The following VAV3 variants were observed in gnomAD, a reference collection of about 807,000 sequenced individuals.
VAV3 encodes guanine nucleotide exchange factor VAV3.
Under a neutral mutation model 131.2 loss-of-function variants are expected in VAV3, and 94 were observed. That is an observed-to-expected ratio of 0.72 (90% confidence interval 0.61 to 0.85). The LOEUF (loss-of-function observed/expected upper bound fraction) is 0.85. Ranked by LOEUF, VAV3 falls within the 40% of genes least tolerant of loss-of-function variation. The probability of loss-of-function intolerance (pLI) is 0.00; values close to 1 mark genes in which losing one functional copy is unlikely to be tolerated. For synonymous variants in VAV3, 349 were observed against 342.0 expected (o/e 1.02, Z -0.22); for missense variants, 939 against 1,002.7 (o/e 0.94, Z 0.86).
chr1:107,871,847 AAG>A (rs1356438294), intron 2 of VAV3, among the ~76,000 whole-genome samples: 1 of 152,168 alleles, frequency 6.6e-6, no homozygotes, highest in Non-Finnish European at 1.5e-5. Context: ...GAAAAGGGGT[AAG>A]AGAGTATAGC....
chr1:107,816,872 T>G (rs1383467425), intron 2 of VAV3, among the ~76,000 whole-genome samples: 1 of 152,150 alleles, frequency 6.6e-6, no homozygotes, highest in African/African-American at 2.4e-5. Context: ...CAGAACACCA[T>G]TTCATCATTT....
rs548601359 is a variant in VAV3, at chr1:107,683,720, C to T, written c.1732-187G>A. 4.6e-5 allele frequency among the ~76,000 whole-genome samples: 7 copies of T among 152,236 alleles called. No individual in the cohort carries two copies. The South Asian group carries it at 6.2e-4, about 14-fold the overall frequency. The stretch of plus-strand genomic sequence containing the variant: ...ATTTGTTTTTCTAGTAAGTCTTCCA[C>T]GTGTATATCATTACACTTGATAAGT... On this transcript the variant is annotated intron_variant, in intron 18 of 26. Coordinates refer to ENST00000370056, the MANE Select transcript of VAV3 (RefSeq NM_006113.5).
intron 19 of VAV3, among the ~76,000 whole-genome samples, chr1:107,650,302 C>T (rs1442071256): frequency 1.3e-5 from 2 of 152,024 alleles, no homozygotes; most frequent in African/African-American, 2.4e-5. Flanking sequence ...TTCTCATTAA[C>T]ATACTTTACC....
intron 17 of VAV3, among the ~76,000 whole-genome samples, chr1:107,691,707 A>C (rs1659433491): frequency 6.6e-6 from 1 of 152,122 alleles, no homozygotes; most frequent in African/African-American, 2.4e-5. Context: ...GAACCTTTCT[A>C]GATGGTGACT....
rs566407214 is a variant in VAV3, at chr1:107,880,741, A to G, written c.205-5724T>C. ...AACCTGGGAAATGGAGGTTGCAGTG[A>G]GCTGAGATCACCCCACTGTACTCCA... On this transcript the variant is annotated intron_variant, in intron 1 of 26. Coordinates refer to ENST00000370056, the MANE Select transcript of VAV3 (RefSeq NM_006113.5). 2.6e-5 allele frequency among the ~76,000 whole-genome samples: 4 copies of G among 151,908 alleles called. No homozygotes were observed. In the East Asian group the frequency reaches 7.8e-4, roughly 29 times the overall value.
intron 2 of VAV3, among the ~76,000 whole-genome samples, chr1:107,845,973 A>G (rs1668947469): frequency 6.6e-6 from 1 of 152,184 alleles, no homozygotes; most frequent in East Asian, 1.9e-4. Flanking sequence ...CTCCACGAGA[A>G]GAGCAACCCC....
rs148329618 is a variant in VAV3, at chr1:107,954,204, A to G, written c.204+10462T>C. On this transcript the variant is annotated intron_variant, in intron 1 of 26. Coordinates refer to ENST00000370056, the MANE Select transcript of VAV3 (RefSeq NM_006113.5). ...ATAGGTTGTCTGTGAATTTACAAAAAGAATATTTATAATAGAAAAAAAATG... is the reference window on the plus strand; with the variant it reads ...ATAGGTTGTCTGTGAATTTACAAAAGGAATATTTATAATAGAAAAAAAATG... Among the ~76,000 whole-genome samples the G allele has an allele frequency of 4.9e-4, 74 of 152,336 alleles. No homozygotes were observed. The East Asian group carries it at 8.7e-3, about 18-fold the overall frequency.
At chr1:107,868,248 T>A (rs560028076) in intron 2 of VAV3, among the ~76,000 whole-genome samples, 2 of 152,272 alleles carry the variant, frequency 1.3e-5, no homozygotes, top group Non-Finnish European at 2.9e-5. Context: ...GTGTTTTATG[T>A]CAAACAAGTA....
chr1:107,775,617 G>A (rs867709154), intron 4 of VAV3, among the ~76,000 whole-genome samples: 3 of 145,060 alleles, frequency 2.1e-5, no homozygotes, highest in South Asian at 2.3e-4. Context: ...ATAGCATCAC[G>A]GCACTAGAAA....
intron 7 of VAV3, 134 bp downstream of exon 7, chr1:107,768,307 G>A: frequency 3.1e-6 from 2 of 635,438 alleles, no homozygotes; most frequent in East Asian, 3.2e-5. Flanking sequence ...AACTGGAAAA[G>A]CAAAAAATAA....
intron 19 of VAV3, among the ~76,000 whole-genome samples, chr1:107,674,952 G>A (rs1027737742): frequency 6.6e-6 from 1 of 152,172 alleles, no homozygotes; most frequent in African/African-American, 2.4e-5. Flanking sequence ...AGTGTTCCAG[G>A]TCATAAGGCC....
At chr1:107,912,840 T>C (rs1347772246) in intron 1 of VAV3, among the ~76,000 whole-genome samples, 1 of 152,186 alleles carries the variant, frequency 6.6e-6, no homozygotes, top group African/African-American at 2.4e-5. Flanking sequence ...AAGTCTCAAC[T>C]ACTCATCTCT....
intron 2 of VAV3, among the ~76,000 whole-genome samples, chr1:107,855,085 T>A (rs1342216189): frequency 2.6e-5 from 4 of 152,166 alleles, no homozygotes; most frequent in African/African-American, 9.7e-5. Context: ...GGTCTGGGAA[T>A]GGTACACATT....
chr1:107,873,557 G>C (rs1409004095), intron 2 of VAV3, among the ~76,000 whole-genome samples: 1 of 152,150 alleles, frequency 6.6e-6, no homozygotes, highest in Admixed American at 6.6e-5. Flanking sequence ...AGGGCCAACA[G>C]CTTAGAGAAG....
Position 107,828,597 on chromosome 1 carries a change from G to C in VAV3, c.321+46304C>G, listed in dbSNP as rs547080166. On this transcript the variant is annotated intron_variant, in intron 2 of 26. Transcript: ENST00000370056. ...TTTTCTATGCCTGTTCCACCTTCCA[G>C]AGACTGCCCACAATCCAGATATTAT... 5.9e-5 allele frequency among the ~76,000 whole-genome samples: 9 copies of C among 152,168 alleles called. No homozygotes were observed. In the East Asian group the frequency reaches 1.7e-3, roughly 29 times the overall value.
At chr1:107,791,512 A>T (rs1247723650) in intron 2 of VAV3, among the ~76,000 whole-genome samples, 1 of 152,218 alleles carries the variant, frequency 6.6e-6, no homozygotes, top group Non-Finnish European at 1.5e-5. Context: ...GGCAAGATAG[A>T]CAACTGCACA....
At chr1:107,751,627 C>A (rs1222848742) in intron 12 of VAV3, among the ~76,000 whole-genome samples, 1 of 151,474 alleles carries the variant, frequency 6.6e-6, no homozygotes, top group African/African-American at 2.4e-5. Context: ...TTCACAGAAG[C>A]ATGCAATTAC....
chr1:107,948,107 T>G (rs1674358233), intron 1 of VAV3, among the ~76,000 whole-genome samples: 1 of 152,234 alleles, frequency 6.6e-6, no homozygotes, highest in Non-Finnish European at 1.5e-5. Context: ...GCATCAGATC[T>G]TTGATTTTAT....
intron 2 of VAV3, among the ~76,000 whole-genome samples, chr1:107,808,114 A>G (rs1057094852): frequency 3.9e-5 from 6 of 152,198 alleles, no homozygotes; most frequent in African/African-American, 1.4e-4. Flanking sequence ...AAACAAAGAT[A>G]TTTTATACAA....
Sources: allele counts gnomAD v4.1 joint callset (sites outside exome capture counted in the v4.1 genomes callset), GRCh38; gene constraint gnomAD v4.1.1; transcripts MANE v1.5; gene names NCBI Gene and HGNC (gene_info 2026-07-23, HGNC 2026-07-21).